PLEKHG7: variants seen among roughly 807,000 people sequenced by gnomAD.
PLEKHG7 encodes the protein pleckstrin homology domain-containing family G member 7.
In PLEKHG7, 77 loss-of-function variants were observed where a neutral mutation model predicts 85.2. That is an observed-to-expected ratio of 0.90 (90% CI 0.75 to 1.09). PLEKHG7 has a LOEUF of 1.09. Ranked by LOEUF, PLEKHG7 falls within the 50% of genes least tolerant of loss-of-function variation. The pLI is 0.00. For synonymous variants in PLEKHG7, 301 were observed against 302.4 expected (o/e 1.00, Z 0.05); for missense variants, 777 against 804.3 (o/e 0.97, Z 0.41).
At chr12:92,752,602 G>C (rs912178031) in intron 10 of PLEKHG7, among the ~76,000 whole-genome samples, 1 of 152,102 alleles carries the variant, frequency 6.6e-6, no homozygotes, top group Non-Finnish European at 1.5e-5. Flanking sequence ...AGTGTGCCTG[G>C]CCCACCTGAG....
chr12:92,720,755 T>A (rs1871616512), intron 3 of PLEKHG7, among the ~76,000 whole-genome samples: 1 of 152,222 alleles, frequency 6.6e-6, no homozygotes, highest in African/African-American at 2.4e-5. Flanking sequence ...TAAGGCCATA[T>A]GCACATGTTC....
At chr12:92,749,969 A>ATTTTATATTT (rs1458816143) in intron 10 of PLEKHG7, among the ~76,000 whole-genome samples, 1 of 72,174 alleles carries the variant, frequency 1.4e-5, no homozygotes. Flanking sequence ...ATTTTATTTT[A>ATTTTATATTT]TATTTTATTT....
chr12:92,730,802 G>A (rs778323595), intron 4 of PLEKHG7, among the ~76,000 whole-genome samples: 44 of 152,176 alleles, frequency 2.9e-4, no homozygotes, highest in Admixed American at 1.9e-3. Flanking sequence ...CAAGTTCATC[G>A]CTGCTTCTAC....
intron 5 of PLEKHG7, among the ~76,000 whole-genome samples, chr12:92,736,031 C>T (rs1592679835): frequency 6.6e-6 from 1 of 152,208 alleles, no homozygotes; most frequent in Non-Finnish European, 1.5e-5. Context: ...TTTGGGGCAA[C>T]TCGCTTGAAC....
intron 1 of PLEKHG7, among the ~76,000 whole-genome samples, chr12:92,704,028 A>T (rs1871161403): frequency 6.6e-6 from 1 of 152,238 alleles, no homozygotes; most frequent in African/African-American, 2.4e-5. Context: ...GTTGCTGCCT[A>T]GAACTTGGAC....
chr12:92,727,977 C>T (rs377745602), intron 3 of PLEKHG7, among the ~76,000 whole-genome samples: 50 of 124,244 alleles, frequency 4.0e-4, no homozygotes, highest in East Asian at 1.3e-3. Flanking sequence ...TATATATATA[C>T]ACATATATAC....
chr12:92,707,965 G>A, intron 3 of PLEKHG7: 2 of 452,188 alleles, frequency 4.4e-6, no homozygotes, highest in Admixed American at 7.3e-5. Context: ...TTAGTAATAG[G>A]TTTTGTCTGG....
intron 3 of PLEKHG7, among the ~76,000 whole-genome samples, chr12:92,720,293 C>G (rs1871601350): frequency 6.6e-6 from 1 of 151,610 alleles, no homozygotes; most frequent in Non-Finnish European, 1.5e-5. Context: ...ACATACCCTT[C>G]TCTCTTCGCT....
intron 14 of PLEKHG7, 59 bp downstream of exon 14, chr12:92,761,890 A>G: frequency 6.9e-7 from 1 of 1,458,898 alleles, no homozygotes; most frequent in Non-Finnish European, 9.0e-7. Flanking sequence ...GAGTTTAGAA[A>G]TATTTCTAAA....
At chr12:92,751,144 C>A (rs1017830895) in intron 10 of PLEKHG7, among the ~76,000 whole-genome samples, 8 of 152,214 alleles carry the variant, frequency 5.3e-5, no homozygotes, top group African/African-American at 1.9e-4. Flanking sequence ...TTGTTTACAA[C>A]AGAGCATTGT....
chr12:92,722,836 C>T (rs1004644293), intron 3 of PLEKHG7, among the ~76,000 whole-genome samples: 4 of 152,180 alleles, frequency 2.6e-5, no homozygotes, highest in South Asian at 2.1e-4. Flanking sequence ...ATTCAACAAG[C>T]TTATCTGAAT....
chr12:92,715,018 G>GGATAGATAGATAGATA (rs10563574), intron 3 of PLEKHG7, among the ~76,000 whole-genome samples: 1 of 147,426 alleles, frequency 6.8e-6, no homozygotes, highest in Non-Finnish European at 1.5e-5. Flanking sequence ...AGAACTAATG[G>GGATAGATAGATAGATA]GATAGATAGA....
intron 9 of PLEKHG7, among the ~76,000 whole-genome samples, chr12:92,742,856 C>A (rs901376544): frequency 6.6e-6 from 1 of 152,018 alleles, no homozygotes; most frequent in African/African-American, 2.4e-5. Context: ...CCATACCTGG[C>A]CCAAATTTAG....
chr12:92,729,522 T>A (rs1311434476), intron 4 of PLEKHG7, among the ~76,000 whole-genome samples: 1 of 151,400 alleles, frequency 6.6e-6, no homozygotes. Context: ...ACTGATATCT[T>A]CCAACCAGGG....
intron 3 of PLEKHG7, among the ~76,000 whole-genome samples, chr12:92,725,897 G>A (rs1029494465): frequency 6.6e-6 from 1 of 152,154 alleles, no homozygotes; most frequent in Non-Finnish European, 1.5e-5. Context: ...TGAGTATCCA[G>A]GGAGCAGGGT....
At chr12:92,708,585 T>TG in intron 3 of PLEKHG7, 1 of 152,204 alleles carries the variant, frequency 6.6e-6, no homozygotes, top group Non-Finnish European at 1.5e-5. Flanking sequence ...CTGTGTTCCC[T>TG]GGGGGTGACT....
rs1872328265 is a variant in PLEKHG7 at position 92,740,707 on chromosome 12, AG to A, written c.940-145del. 8 of 598,858 alleles carry A rather than the reference AG, an allele frequency of 1.3e-5. No individual in the cohort carries two copies. In the East Asian group the frequency reaches 2.0e-4, roughly 15 times the overall value. The allele number at this position is 598,858 out of a possible 1,614,324, so 37.1% of individuals were successfully genotyped here. On this transcript the variant is annotated intron_variant, in intron 7 of 16. Transcript: ENST00000344636. ...AGCTTAAATGTGACCATTTGTCTTG[AG>A]TATAACATTTAAACCTTGAGAGTGC...
intron 3 of PLEKHG7, chr12:92,721,576 G>GC: frequency 5.5e-5 from 26 of 476,964 alleles, no homozygotes; most frequent in Non-Finnish European, 7.9e-5. Flanking sequence ...TGGGGGTGGG[G>GC]AAAGCCAGTG....
intron 2 of PLEKHG7, 70 bp downstream of exon 2, chr12:92,707,208 T>G (rs1246068826): frequency 1.7e-5 from 26 of 1,525,428 alleles, no homozygotes; most frequent in Non-Finnish European, 2.1e-5. Flanking sequence ...CAGAGTTGCT[T>G]AGTTCCCCCA....
Sources: allele counts gnomAD v4.1 joint callset (sites outside exome capture counted in the v4.1 genomes callset), GRCh38; gene constraint gnomAD v4.1.1; transcripts MANE v1.5; gene names NCBI Gene and HGNC (gene_info 2026-07-23, HGNC 2026-07-21).